The following PTH2R variants were observed in gnomAD, a reference collection of about 807,000 sequenced individuals.
The protein encoded by PTH2R is PTH2 receptor.
A neutral mutation model predicts 60.3 loss-of-function variants in PTH2R; 59 were observed. That is an observed-to-expected ratio of 0.98 (90% CI 0.79 to 1.22). PTH2R has a LOEUF of 1.22. Ranked by LOEUF, PTH2R falls within the 50% of genes most tolerant of loss-of-function variation. The pLI is 0.00. For synonymous variants in PTH2R, 256 were observed against 243.8 expected, an observed-to-expected ratio of 1.05 and a Z score of -0.47; for missense variants, 749 against 682.6, an observed-to-expected ratio of 1.10 and a Z score of -1.08.
chr2:208,456,600 A>G (rs1272901742), intron 8 of PTH2R, among the ~76,000 whole-genome samples: 7 of 152,198 alleles, frequency 4.6e-5, no homozygotes, highest in Non-Finnish European at 5.9e-5. Flanking sequence ...GAGAGAAGGT[A>G]GTGCTCAGCC....
At chr2:208,377,549 C>T (rs1700821755) in intron 1 of PTH2R, among the ~76,000 whole-genome samples, 1 of 146,124 alleles carries the variant, frequency 6.8e-6, no homozygotes, top group South Asian at 2.1e-4. Flanking sequence ...CGGGGGCTGA[C>T]CCCCCACCTG....
intron 7 of PTH2R, among the ~76,000 whole-genome samples, chr2:208,450,441 T>C (rs1035209542): frequency 6.6e-5 from 10 of 152,186 alleles, no homozygotes; most frequent in African/African-American, 2.2e-4. Context: ...ATGCCAACCA[T>C]TGCTTACTTC....
At chr2:208,456,638 G>A (rs1165081687) in intron 8 of PTH2R, among the ~76,000 whole-genome samples, 2 of 152,262 alleles carry the variant, frequency 1.3e-5, no homozygotes, top group East Asian at 3.9e-4. Context: ...CCCTTGGGCA[G>A]AACAACACAC....
chr2:208,494,003 T>C lies in PTH2R; in HGVS notation c.*344T>C, dbSNP rs576575878. On this transcript the variant is annotated 3_prime_UTR_variant, in exon 13 of 13. Transcript: ENST00000272847. ...CTCATATATATCACCCTAAATATAA[T>C]GAAGATCTTTTAGTGTGTATCATTT... The C allele has an allele frequency of 1.1e-4, 19 of 178,590 alleles. No individual in the cohort carries two copies. Among genetic ancestry groups the C allele is most frequent in the Non-Finnish European group, 1.6e-4 (14 of 86,004 alleles). 11.1% of individuals were successfully genotyped at this position (178,590 alleles called of 1,614,324 possible).
rs182940955 is a variant in PTH2R, at chr2:208,372,032, C to T, written c.-259+11795C>T. Reference sequence around the variant, plus strand: ...CACCTCCCAGGTTCAAGCAGTTCTCCTGCCTCAGCCTCCCGAACAGCTGGG... The same window carrying T: ...CACCTCCCAGGTTCAAGCAGTTCTCTTGCCTCAGCCTCCCGAACAGCTGGG... On this transcript the variant is annotated intron_variant, in intron 1 of 12. Transcript: ENST00000617735. Among the ~76,000 whole-genome samples the T allele has an allele frequency of 8.5e-5, 13 of 152,140 alleles. No individual in the cohort carries two copies. The East Asian group carries it at 2.1e-3, about 25-fold the overall frequency.
At chr2:208,493,177 C>A (rs1317659087) in intron 12 of PTH2R, 87 bp from the exon 13 acceptor site, 2 of 1,327,398 alleles carry the variant, frequency 1.5e-6, no homozygotes, top group Non-Finnish European at 2.0e-6. Flanking sequence ...TTATTGCTGT[C>A]ATTGAAATCA....
At chr2:208,390,855 G>T (rs912481504) in intron 1 of PTH2R, among the ~76,000 whole-genome samples, 14 of 152,190 alleles carry the variant, frequency 9.2e-5, no homozygotes, top group Non-Finnish European at 1.6e-4. Flanking sequence ...TGAGGTAGGG[G>T]TGAGACTGAG....
At chr2:208,423,976 A>T (rs1701806424) in intron 1 of PTH2R, among the ~76,000 whole-genome samples, 1 of 152,156 alleles carries the variant, frequency 6.6e-6, no homozygotes, top group Admixed American at 6.5e-5. Context: ...TATCACTGAC[A>T]CCTATGGTGG....
Position 208,407,002 on chromosome 2 carries a change from T to C in PTH2R, c.-42T>C. On this transcript the variant is annotated 5_prime_UTR_variant, in exon 1 of 13. Transcript: ENST00000272847. ...GGCAACTTGGAAGCTTCTCCCGGGC[T>C]CTGGAGGAGGGTCCCTGCTTCTTCC... is the stretch of plus-strand genomic sequence containing the variant. 7.4e-7 allele frequency: 1 copy of C among 1,358,930 alleles called. No homozygotes were observed. The highest frequency in any genetic ancestry group is 9.6e-7 in the Non-Finnish European group (1 of 1,046,282). The allele number at this position is 1,358,930 out of a possible 1,614,324, so 84.2% of individuals were successfully genotyped here. A position where few individuals can be genotyped will look rare whatever the true frequency, so the allele number is the denominator to read the frequency against.
intron 1 of PTH2R, among the ~76,000 whole-genome samples, chr2:208,362,330 AAATCTCCTCTTAT>A (rs1700490188): frequency 6.8e-6 from 1 of 147,790 alleles, no homozygotes; most frequent in African/African-American, 2.7e-5. Context: ...TTCCCATAAT[AAATCTCCTCTTAT>A]GTATCTATAA....
At chr2:208,489,235 C>G in intron 11 of PTH2R, 85 bp downstream of exon 11, 5 of 1,537,446 alleles carry the variant, frequency 3.3e-6, no homozygotes, top group Middle Eastern at 3.4e-4. Context: ...TCTCTGCACT[C>G]TCTCTGGCTT....
At chr2:208,417,676 A>G (rs952185830) in intron 1 of PTH2R, among the ~76,000 whole-genome samples, 2 of 150,378 alleles carry the variant, frequency 1.3e-5, no homozygotes, top group African/African-American at 2.4e-5. Flanking sequence ...CAGCCTCCCG[A>G]GTAGCTGGGA....
At chr2:208,374,504 A>G (rs1700757957) in intron 1 of PTH2R, among the ~76,000 whole-genome samples, 1 of 152,030 alleles carries the variant, frequency 6.6e-6, no homozygotes, top group Non-Finnish European at 1.5e-5. Flanking sequence ...TTCAAACGAC[A>G]TTTATTTATT....
At chr2:208,468,376 T>C (rs1438335503) in intron 9 of PTH2R, among the ~76,000 whole-genome samples, 1 of 152,234 alleles carries the variant, frequency 6.6e-6, no homozygotes, top group African/African-American at 2.4e-5. Context: ...ATAAGGAAAC[T>C]GCCCAAGAAT....
At chr2:208,408,766 A>AGAGAGAGAGAGAGAG (rs58836876) in intron 1 of PTH2R, among the ~76,000 whole-genome samples, 61 of 109,558 alleles carry the variant, frequency 5.6e-4, no homozygotes, top group African/African-American at 2.6e-3. Context: ...GAGAGAGAGA[A>AGAGAGAGAGAGAGAG]ATAAATAATA....
rs1440051583 is a variant in PTH2R, at chr2:208,481,595, TG to T, written c.1076+432del. Among the ~76,000 whole-genome samples the T allele has an allele frequency of 3.9e-5, 6 of 152,318 alleles. No homozygotes were observed. In the East Asian group the frequency reaches 1.2e-3, roughly 29 times the overall value. Reference sequence around the variant, plus strand: ...TAAATTTATGAATGTATATTTATTGTGTGATTTATCAGAAAAGCATATATAT... The same window carrying T: ...TAAATTTATGAATGTATATTTATTGTTGATTTATCAGAAAAGCATATATAT... On this transcript the variant is annotated intron_variant, in intron 10 of 12. Transcript: ENST00000272847.
intron 8 of PTH2R, among the ~76,000 whole-genome samples, chr2:208,454,437 G>A (rs979633708): frequency 2.6e-5 from 4 of 152,194 alleles, no homozygotes; most frequent in African/African-American, 7.2e-5. Flanking sequence ...AGATGCCAGA[G>A]AGGCTGGCTC....
At chr2:208,380,672 G>C (rs1700896121) in intron 1 of PTH2R, among the ~76,000 whole-genome samples, 1 of 152,124 alleles carries the variant, frequency 6.6e-6, no homozygotes, top group Non-Finnish European at 1.5e-5. Context: ...GAACTCACCG[G>C]ATAAAAGGCC....
At chr2:208,366,335 A>G (rs1404989578) in intron 1 of PTH2R, among the ~76,000 whole-genome samples, 2 of 152,058 alleles carry the variant, frequency 1.3e-5, no homozygotes, top group East Asian at 1.9e-4. Context: ...GGTATAGTTC[A>G]TAGTCTTCTC....
Sources: gnomAD v4.1 joint callset for allele counts (sites outside exome capture counted in the v4.1 genomes callset) on GRCh38, gnomAD v4.1.1 for gene constraint, MANE v1.5 for transcripts, NCBI Gene and HGNC (gene_info 2026-07-23, HGNC 2026-07-21) for gene names.